Variants in IQCM observed in about 807,000 individuals in gnomAD.
IQCM encodes IQ domain-containing protein M.
Under a neutral mutation model 57.6 loss-of-function variants are expected in IQCM, and 45 were observed. The observed-to-expected ratio is 0.78, with a 90% confidence interval of 0.62 to 1.00. The LOEUF (loss-of-function observed/expected upper bound fraction) is 1.00. Among genes scored for constraint, IQCM ranks in the 50% least tolerant of loss-of-function variants. The pLI, the probability that IQCM is intolerant of heterozygous loss-of-function variation, is 0.00. For missense variants in IQCM, 468 were observed against 511.6 expected (o/e 0.91, Z 0.82); for synonymous variants, 148 against 158.9 (o/e 0.93, Z 0.51).
chr4:149,620,551 G>A (rs533337836), intron 8 of IQCM, among the ~76,000 whole-genome samples: 19 of 152,282 alleles, frequency 1.2e-4, no homozygotes, highest in African/African-American at 4.1e-4. Flanking sequence ...TTAAGAAATT[G>A]TTGCTAAAGA....
chr4:149,586,477 T>C (rs970467680), intron 9 of IQCM, among the ~76,000 whole-genome samples: 3 of 151,614 alleles, frequency 2.0e-5, no homozygotes, highest in Non-Finnish European at 4.4e-5. Context: ...ATATTGGTAA[T>C]TTGTGTTTTA....
chr4:149,771,909 T>C (rs1770619618), intron 2 of IQCM, among the ~76,000 whole-genome samples: 1 of 152,132 alleles, frequency 6.6e-6, no homozygotes, highest in Non-Finnish European at 1.5e-5. Flanking sequence ...AGAAAAATAA[T>C]TCTATTTTCT....
chr4:149,636,817 G>C (rs1016909480), intron 7 of IQCM, among the ~76,000 whole-genome samples: 5 of 152,190 alleles, frequency 3.3e-5, no homozygotes, highest in Non-Finnish European at 5.9e-5. Flanking sequence ...TAGAAATCCT[G>C]ATAAATCCGA....
At chr4:149,613,161 A>C (rs2150057180) in intron 8 of IQCM, among the ~76,000 whole-genome samples, 1 of 152,236 alleles carries the variant, frequency 6.6e-6, no homozygotes, top group East Asian at 1.9e-4. Context: ...AGAGGAGAAA[A>C]TCATGAGTAT....
At chr4:149,759,023 A>G (rs772578498) in intron 2 of IQCM, among the ~76,000 whole-genome samples, 1 of 152,134 alleles carries the variant, frequency 6.6e-6, no homozygotes, top group Non-Finnish European at 1.5e-5. Context: ...CTTTATTCAT[A>G]ATTGCTAAAA....
chr4:149,441,914 A>G (rs1460214867), intron 12 of IQCM, among the ~76,000 whole-genome samples: 1 of 152,108 alleles, frequency 6.6e-6, no homozygotes, highest in Non-Finnish European at 1.5e-5. Flanking sequence ...CCCTAGGTTC[A>G]GCCCTTTTTG....
chr4:149,592,292 T>A (rs562754910), intron 8 of IQCM, among the ~76,000 whole-genome samples: 1 of 152,202 alleles, frequency 6.6e-6, no homozygotes, highest in East Asian at 1.9e-4. Context: ...ACCCACTTTT[T>A]GATGGGGTTG....
Position 149,545,653 on chromosome 4 carries a change from G to A in IQCM, c.1228+2802C>T, listed in dbSNP as rs1002975994. On this transcript the variant is annotated intron_variant, in intron 12 of 13. Transcript: ENST00000636793. The stretch of plus-strand genomic sequence containing the variant: ...GAATTTCCTTAAACAATTAAAAATA[G>A]AACTACCATAAGATCCAACAATCCT... Among the ~76,000 whole-genome samples, 16 of 152,116 alleles carry A rather than the reference G, an allele frequency of 1.1e-4. No homozygotes were observed. The South Asian group carries it at 3.3e-3, about 32-fold the overall frequency.
intron 13 of IQCM, among the ~76,000 whole-genome samples, chr4:149,401,943 T>A (rs756942202): frequency 6.6e-6 from 1 of 151,834 alleles, no homozygotes; most frequent in Non-Finnish European, 1.5e-5. Context: ...CACAAAACTA[T>A]AATGTTCAAT....
chr4:149,643,433 A>AG (rs1758376127), intron 7 of IQCM, among the ~76,000 whole-genome samples: 1 of 152,228 alleles, frequency 6.6e-6, no homozygotes, highest in Non-Finnish European at 1.5e-5. Flanking sequence ...AAGCAACTCT[A>AG]CCAGAGGAAG....
At chr4:149,447,579 T>A (rs891067084) in intron 12 of IQCM, among the ~76,000 whole-genome samples, 3 of 151,324 alleles carry the variant, frequency 2.0e-5, no homozygotes, top group Non-Finnish European at 4.4e-5. Context: ...AACATACCAG[T>A]GAAAACTCTG....
chr4:149,612,713 T>C (rs112956058), intron 8 of IQCM, among the ~76,000 whole-genome samples: 16 of 151,910 alleles, frequency 1.1e-4, no homozygotes, highest in East Asian at 1.9e-4. Context: ...TAAATTAATA[T>C]AGTTTTTTCA....
chr4:149,742,035 T>TA (rs1767505426), intron 3 of IQCM, among the ~76,000 whole-genome samples: 1 of 152,002 alleles, frequency 6.6e-6, no homozygotes, highest in African/African-American at 2.4e-5. Context: ...GTAGACATAC[T>TA]AAAAAAGGTG....
intron 8 of IQCM, among the ~76,000 whole-genome samples, chr4:149,603,929 CCTT>C (rs2150038581): frequency 6.6e-6 from 1 of 152,184 alleles, no homozygotes; most frequent in East Asian, 1.9e-4. Context: ...GTCCTCATCT[CCTT>C]ATCTTTCCTA....
intron 7 of IQCM, among the ~76,000 whole-genome samples, chr4:149,650,958 CTT>C (rs1375327177): frequency 6.6e-6 from 1 of 152,144 alleles, no homozygotes; most frequent in African/African-American, 2.4e-5. Context: ...AAAATACAGT[CTT>C]TGCCCCTTTT....
At chr4:149,538,242 G>A (rs1747498499) in intron 12 of IQCM, among the ~76,000 whole-genome samples, 1 of 151,598 alleles carries the variant, frequency 6.6e-6, no homozygotes, top group Admixed American at 6.6e-5. Flanking sequence ...ACAACACAAA[G>A]GAGGAGGGAT....
chr4:149,467,395 T>C, intron 12 of IQCM, among the ~76,000 whole-genome samples: 1 of 152,204 alleles, frequency 6.6e-6, no homozygotes, highest in East Asian at 1.9e-4. Context: ...GAGTATATAC[T>C]ATGTCCCGGG....
chr4:149,572,797 A>G (rs1579538432), intron 9 of IQCM, among the ~76,000 whole-genome samples: 1 of 152,012 alleles, frequency 6.6e-6, no homozygotes, highest in Non-Finnish European at 1.5e-5. Flanking sequence ...AAATAGAAAT[A>G]AGGCACCATT....
At chr4:149,575,700 T>A (rs985672036) in intron 9 of IQCM, among the ~76,000 whole-genome samples, 1 of 151,826 alleles carries the variant, frequency 6.6e-6, no homozygotes, top group Non-Finnish European at 1.5e-5. Context: ...GAGATTGATA[T>A]CCCATTTAAA....
Sources: gnomAD v4.1 joint callset for allele counts (sites outside exome capture counted in the v4.1 genomes callset) on GRCh38, gnomAD v4.1.1 for gene constraint, MANE v1.5 for transcripts, NCBI Gene and HGNC (gene_info 2026-07-23, HGNC 2026-07-21) for gene names.